The following PPM1A variants were observed in gnomAD, a reference collection of about 807,000 sequenced individuals.
PPM1A encodes protein phosphatase 1A.
Under a neutral mutation model 35.0 loss-of-function variants are expected in PPM1A, and 7 were observed. The ratio of observed to expected loss-of-function variants is 0.20; its 90% CI spans 0.11 to 0.38. The LOEUF (loss-of-function observed/expected upper bound fraction) is 0.38. Ranked by LOEUF, PPM1A falls within the 10% of genes least tolerant of loss-of-function variation. PPM1A has a pLI of 1.00. For synonymous variants in PPM1A, 153 were observed against 167.3 expected, an observed-to-expected ratio of 0.91 and a Z score of 0.66; for missense variants, 239 against 467.8, an observed-to-expected ratio of 0.51 and a Z score of 4.51.
At chr14:60,261,248 C>T (rs1316361033) in intron 1 of PPM1A, among the ~76,000 whole-genome samples, 2 of 151,974 alleles carry the variant, frequency 1.3e-5, no homozygotes, top group East Asian at 3.9e-4. Flanking sequence ...TAGAAAGAGA[C>T]ATTAAAAATT....
chr14:60,263,211 C>T (rs564156353), intron 1 of PPM1A, among the ~76,000 whole-genome samples: 36 of 151,636 alleles, frequency 2.4e-4, no homozygotes, highest in South Asian at 6.2e-4. Context: ...AGGGAGACTC[C>T]GTCTCAAAAA....
chr14:60,276,568 T>G (rs1443581972), intron 1 of PPM1A, among the ~76,000 whole-genome samples: 1 of 152,194 alleles, frequency 6.6e-6, no homozygotes, highest in Non-Finnish European at 1.5e-5. Context: ...TTCTCCACAT[T>G]GTATGTATCT....
chr14:60,287,809 AC>A (rs1887190831), intron 3 of PPM1A: 1 of 982,936 alleles, frequency 1.0e-6, no homozygotes, highest in African/African-American at 1.7e-5. Context: ...TTAAAATTAT[AC>A]TTTTGTGTAT....
intron 3 of PPM1A, chr14:60,286,601 CCT>C (rs1211509816): frequency 2.0e-6 from 2 of 985,118 alleles, no homozygotes; most frequent in African/African-American, 3.5e-5. Flanking sequence ...ACGTTAAAGA[CCT>C]CTAATCGCAT....
At chr14:60,262,502 A>G (rs1488025545) in intron 1 of PPM1A, among the ~76,000 whole-genome samples, 4 of 152,144 alleles carry the variant, frequency 2.6e-5, no homozygotes, top group Non-Finnish European at 5.9e-5. Flanking sequence ...AGGGCAACAC[A>G]GTGATACCTT....
At chr14:60,287,343 T>C in intron 3 of PPM1A, 2 of 984,084 alleles carry the variant, frequency 2.0e-6, no homozygotes, top group Non-Finnish European at 1.2e-6. Flanking sequence ...TAAAGTGTTA[T>C]TATACTTGTA....
rs971090339 is a variant in PPM1A, at chr14:60,294,207, C to T, written c.*1725C>T. ...GTGGGGAAAGTAATGTGAAATGTCT[C>T]AGATTTAAGTAGTTAAATACCAGCA... is the stretch of plus-strand genomic sequence containing the variant. On this transcript the variant is annotated 3_prime_UTR_variant, in exon 6 of 6. Transcript: ENST00000395076. 3 of 151,808 alleles carry T rather than the reference C, an allele frequency of 2.0e-5. No homozygotes were observed. The highest frequency in any genetic ancestry group is 4.4e-5 in the Non-Finnish European group (3 of 67,826). The allele number at this position is 151,808 out of a possible 1,614,324, so 9.4% of individuals were successfully genotyped here. A position where few individuals can be genotyped will look rare whatever the true frequency, so the allele number is the denominator to read the frequency against.
rs1023990233 is a variant in PPM1A, at chr14:60,298,475, A to G, written c.*5993A>G. The G allele has an allele frequency of 6.6e-6, 1 of 151,790 alleles. No individual in the cohort carries two copies. The highest frequency in any genetic ancestry group is 2.4e-5 in the African/African-American group (1 of 41,428). 9.4% of individuals were successfully genotyped at this position (151,790 alleles called of 1,614,324 possible). ...ATAATAAGTACAATGTAACAAACGT[A>G]TAGAATTTTGCATTTGTTGCCAAAA... On this transcript the variant is annotated 3_prime_UTR_variant, in exon 6 of 6. Transcript: ENST00000395076.
chr14:60,285,794 C>A (rs777555623), intron 3 of PPM1A, 53 bp downstream of exon 3: 1 of 1,595,044 alleles, frequency 6.3e-7, no homozygotes, highest in Non-Finnish European at 8.5e-7. Flanking sequence ...ATCTTCAACA[C>A]AATCAAACTT....
At chr14:60,253,956 C>T (rs557040871) in intron 1 of PPM1A, among the ~76,000 whole-genome samples, 1 of 152,242 alleles carries the variant, frequency 6.6e-6, no homozygotes, top group East Asian at 1.9e-4. Context: ...TACTTGATTT[C>T]TTAAACCTGT....
At chr14:60,268,472 T>A (rs1884654931) in intron 1 of PPM1A, 1 of 871,214 alleles carries the variant, frequency 1.1e-6, no homozygotes. Context: ...TTTTAAATAA[T>A]TTTTTTAGTT....
intron 1 of PPM1A, among the ~76,000 whole-genome samples, chr14:60,275,380 C>G (rs1456462740): frequency 6.6e-6 from 1 of 151,962 alleles, no homozygotes; most frequent in Non-Finnish European, 1.5e-5. Flanking sequence ...TTCTCTGCAC[C>G]TTCTCATTTG....
chr14:60,263,975 AAG>A (rs1335572742), intron 1 of PPM1A, among the ~76,000 whole-genome samples: 2 of 151,900 alleles, frequency 1.3e-5, no homozygotes, highest in African/African-American at 4.8e-5. Flanking sequence ...TTTAGCATAA[AAG>A]AGTTTCATTT....
At position 60,285,761 on chromosome 14, in the gene PPM1A, A is replaced by AT. The variant is rs1490769585; in HGVS notation, c.952+21dup. 1.2e-6 allele frequency: 2 copies of AT among 1,600,812 alleles called. No homozygotes were observed. The highest frequency in any genetic ancestry group is 1.7e-6 in the Non-Finnish European group (2 of 1,176,326). ...TAGAAGGTGGATCATTTAACAAAAA[A>AT]TAAGTAGCTTTATTAAAGAAAAATC... On this transcript the variant is annotated intron_variant, in intron 3 of 5. Transcript: ENST00000395076.
chr14:60,279,409 G>A (rs918582169), intron 1 of PPM1A, among the ~76,000 whole-genome samples: 3 of 152,142 alleles, frequency 2.0e-5, no homozygotes, highest in Admixed American at 6.5e-5. Flanking sequence ...GAGCCACTGC[G>A]CTCGGCCTAT....
rs185637907 is a variant in PPM1A at position 60,294,009 on chromosome 14, T to G, written c.*1527T>G. 1 of 151,992 alleles carries G rather than the reference T, an allele frequency of 6.6e-6. No individual in the cohort carries two copies. Among genetic ancestry groups the G allele is most frequent in the Non-Finnish European group, 1.5e-5 (1 of 67,840 alleles). The allele number at this position is 151,992 out of a possible 1,614,324, so 9.4% of individuals were successfully genotyped here. The stretch of plus-strand genomic sequence containing the variant: ...CCATGTAATCATTCAGTAGGCAGAT[T>G]CCCACTAGAAAACTGTTGAAATGTA... On this transcript the variant is annotated 3_prime_UTR_variant, in exon 6 of 6. Coordinates refer to ENST00000395076, the MANE Select transcript of PPM1A (RefSeq NM_021003.5).
intron 3 of PPM1A, chr14:60,287,480 G>A (rs1887134792): frequency 1.0e-6 from 1 of 984,968 alleles, no homozygotes; most frequent in Admixed American, 6.2e-5. Flanking sequence ...GTAACTGTTT[G>A]TATTGTAAAA....
chr14:60,279,953 A>G (rs1228681333), intron 1 of PPM1A, among the ~76,000 whole-genome samples: 1 of 152,108 alleles, frequency 6.6e-6, no homozygotes, highest in Admixed American at 6.6e-5. Context: ...TGCACTGTAT[A>G]CATTATTTTA....
chr14:60,247,458 T>C (rs1881855479), upstream of PPM1A, among the ~76,000 whole-genome samples: 1 of 151,388 alleles, frequency 6.6e-6, no homozygotes. Flanking sequence ...TGAAACCCTG[T>C]CTGAACTAAA....
Sources: gnomAD v4.1 joint callset for allele counts (sites outside exome capture counted in the v4.1 genomes callset) on GRCh38, gnomAD v4.1.1 for gene constraint, MANE v1.5 for transcripts, NCBI Gene and HGNC (gene_info 2026-07-23, HGNC 2026-07-21) for gene names.